OGFOD3: variants seen among roughly 807,000 people sequenced by gnomAD.
OGFOD3 encodes the protein 2-oxoglutarate and iron-dependent oxygenase domain-containing protein 3.
A neutral mutation model predicts 39.8 loss-of-function variants in OGFOD3; 35 were observed. The observed-to-expected ratio is 0.88, with a 90% confidence interval of 0.67 to 1.17. The LOEUF (loss-of-function observed/expected upper bound fraction) is 1.17. Ranked by LOEUF, OGFOD3 falls within the 50% of genes most tolerant of loss-of-function variation. The pLI is 0.00. For missense variants in OGFOD3, 438 were observed against 454.5 expected, an observed-to-expected ratio of 0.96 and a Z score of 0.33; for synonymous variants, 200 against 192.0, an observed-to-expected ratio of 1.04 and a Z score of -0.34.
rs1339248607 is a variant in OGFOD3 at position 82,415,926 on chromosome 17, C to T, written c.75-299G>A. ...AAAAAAAAAAAAAAAGCCAGACATG[C>T]TCCTTATAAAAGCCACTTCAGGCCC... is the stretch of plus-strand genomic sequence containing the variant. On this transcript the variant is annotated intron_variant, in intron 1 of 8. Coordinates refer to ENST00000313056, the MANE Select transcript of OGFOD3 (RefSeq NM_024648.3). This position sits in a 1 kb window ranked among gnomAD's most constrained non-coding sequence, Gnocchi z 5.3. Among the ~76,000 whole-genome samples the T allele has an allele frequency of 3.3e-5, 5 of 151,754 alleles. No homozygotes were observed. The highest frequency in any genetic ancestry group is 5.9e-5 in the Non-Finnish European group (4 of 67,968).
Position 82,406,631 on chromosome 17 carries a change from A to G in OGFOD3, c.424-149T>C. On this transcript the variant is annotated intron_variant, in intron 4 of 8. Transcript: ENST00000313056. The surrounding 1 kb of genome is among the most constrained non-coding windows in gnomAD (Gnocchi z 5.2). The stretch of plus-strand genomic sequence containing the variant: ...TTTGTTTTTGTTTTTTGTAAAAAGG[A>G]TCTTATTCTGTTGCCCAGGCTAGGG... 1.4e-6 allele frequency: 1 copy of G among 703,322 alleles called. No homozygotes were observed. Among genetic ancestry groups the G allele is most frequent in the Non-Finnish European group, 2.5e-6 (1 of 398,432 alleles). The allele number at this position is 703,322 out of a possible 1,614,324, so 43.6% of individuals were successfully genotyped here.
In OGFOD3 at chr17:82,402,710, G is replaced by A. The variant is rs2052786718; in HGVS notation, c.699+1227C>T. ...TGCAGTGAGCTGAAATCGCACCATT[G>A]CACTCCAGCCTGGGCATCAAGAGTG... is the stretch of plus-strand genomic sequence containing the variant. On this transcript the variant is annotated intron_variant, in intron 7 of 8. Transcript: ENST00000313056. 4.6e-5 allele frequency among the ~76,000 whole-genome samples: 7 copies of A among 151,778 alleles called. No homozygotes were observed. The South Asian group carries it at 1.5e-3, about 32-fold the overall frequency.
chr17:82,400,276 C>T (rs1465546592), intron 7 of OGFOD3, among the ~76,000 whole-genome samples: 1 of 152,018 alleles, frequency 6.6e-6, no homozygotes, highest in East Asian at 1.9e-4. Flanking sequence ...CCCTCCAGGC[C>T]TCACAGATGC....
At position 82,418,477 on chromosome 17, in the gene OGFOD3, A is replaced by AGGAGCCATCGGACCAGGCCGCCGC; in HGVS notation, c.-16_8dup (p.Pro3_Gln4insArgArgProGlyProMetAlaPro). Reference sequence around the variant, plus strand: ...GCGCCTTGGTTGCGGCCCTCCGCTGAGGAGCCATCGGACCAGGCCGCCGCG... The same window carrying AGGAGCCATCGGACCAGGCCGCCGC: ...GCGCCTTGGTTGCGGCCCTCCGCTGAGGAGCCATCGGACCAGGCCGCCGCGGAGCCATCGGACCAGGCCGCCGCG... On this transcript the variant is annotated inframe_insertion, in exon 1 of 9. Coordinates refer to ENST00000313056, the MANE Select transcript of OGFOD3 (RefSeq NM_024648.3). 6.8e-7 allele frequency: 1 copy of AGGAGCCATCGGACCAGGCCGCCGC among 1,463,678 alleles called. No individual in the cohort carries two copies. Among genetic ancestry groups the AGGAGCCATCGGACCAGGCCGCCGC allele is most frequent in the Non-Finnish European group, 9.0e-7 (1 of 1,112,598 alleles). 90.7% of individuals were successfully genotyped at this position (1,463,678 alleles called of 1,614,324 possible).
intron 7 of OGFOD3, among the ~76,000 whole-genome samples, chr17:82,399,594 G>A (rs1379817628): frequency 1.3e-5 from 2 of 152,126 alleles, no homozygotes; most frequent in Admixed American, 6.6e-5. Flanking sequence ...CTCCCAGGCC[G>A]AAGCTCCGTC....
In OGFOD3 at chr17:82,409,907, AAGAG is replaced by A. The variant is rs71908507; in HGVS notation, c.381-501_381-498del. Among the ~76,000 whole-genome samples, 407 of 150,318 alleles carry A rather than the reference AAGAG, an allele frequency of 2.7e-3. 3 individuals are homozygous for A. The highest frequency in any genetic ancestry group is 9.1e-3 in the African/African-American group (375 of 41,120). ...AAGACTCTGTCAAGAAAGAAAGAAA[AAGAG>A]AGAGAGAGAGAGAGAGAGAAAGGGA... On this transcript the variant is annotated intron_variant, in intron 3 of 8. Coordinates refer to ENST00000313056, the MANE Select transcript of OGFOD3 (RefSeq NM_024648.3).
chr17:82,403,490 G>A (rs1318856116), intron 7 of OGFOD3, among the ~76,000 whole-genome samples: 1 of 152,106 alleles, frequency 6.6e-6, no homozygotes, highest in Non-Finnish European at 1.5e-5. Flanking sequence ...AAATTAGCGA[G>A]GCCTGGTGGG....
In OGFOD3 at chr17:82,417,062, T is replaced by A. The variant is rs775723525; in HGVS notation, c.74+1350A>T. Among the ~76,000 whole-genome samples, 25 of 152,344 alleles carry A rather than the reference T, an allele frequency of 1.6e-4. No individual in the cohort carries two copies. The Middle Eastern group carries it at 0.017, about 104-fold the overall frequency. Reference sequence around the variant, plus strand: ...AGAAAATGTACAAGTTTACTGGAAATTTTTAAAATGTATTAATTAAATAAC... The same window carrying A: ...AGAAAATGTACAAGTTTACTGGAAAATTTTAAAATGTATTAATTAAATAAC... On this transcript the variant is annotated intron_variant, in intron 1 of 8. Transcript: ENST00000313056.
chr17:82,407,115 C>A (rs2052867983), intron 4 of OGFOD3, among the ~76,000 whole-genome samples: 1 of 151,990 alleles, frequency 6.6e-6, no homozygotes, highest in South Asian at 2.1e-4. Context: ...AGCTGGGACA[C>A]CTACAGAGAT....
chr17:82,411,838 C>G (rs2052948220), intron 2 of OGFOD3: 4 of 396,372 alleles, frequency 1.0e-5, no homozygotes, highest in East Asian at 1.1e-4. Flanking sequence ...CCATCACTGA[C>G]TGCAGGTCCA....
Position 82,392,596 on chromosome 17 carries a change from G to C in OGFOD3, c.824-62C>G. 1 of 1,526,846 alleles carries C rather than the reference G, an allele frequency of 6.5e-7. No individual in the cohort carries two copies. Among genetic ancestry groups the C allele is most frequent in the East Asian group, 2.5e-5 (1 of 40,782 alleles). 94.6% of individuals were successfully genotyped at this position (1,526,846 alleles called of 1,614,324 possible). A position where few individuals can be genotyped will look rare whatever the true frequency, so the allele number is the denominator to read the frequency against. On this transcript the variant is annotated intron_variant, in intron 8 of 8. Transcript: ENST00000313056. This position sits in a 1 kb window ranked among gnomAD's most constrained non-coding sequence, Gnocchi z 4.2. ...CACACCCACGGCCACAGCCTTCAGA[G>C]GGTCTGCGGTCACCTGAAAGAGCAA... is the stretch of plus-strand genomic sequence containing the variant.
intron 8 of OGFOD3, chr17:82,394,589 G>A (rs529807187): frequency 1.3e-6 from 2 of 1,504,076 alleles, no homozygotes; most frequent in South Asian, 2.5e-5. Context: ...TTGACTCCAG[G>A]GGCCTGGGCG....
Position 82,411,514 on chromosome 17 carries a change from C to T in OGFOD3, c.321G>A (p.Lys107=). 1 of 1,614,126 alleles carries T rather than the reference C, an allele frequency of 6.2e-7. No individual in the cohort carries two copies. Among genetic ancestry groups the T allele is most frequent in the Non-Finnish European group, 8.5e-7 (1 of 1,180,012 alleles). ...CGACATCGGTGACACCTCTGCCGCACTTTCGGGGAGTGCAGCCTGTGAAGG... is the reference window on the plus strand; with the variant it reads ...CGACATCGGTGACACCTCTGCCGCATTTTCGGGGAGTGCAGCCTGTGAAGG... The part of the protein sequence containing the change: ...HRRFEGCTPR[K]CGRGVTDVVI... Residue 107 remains lysine, a synonymous_variant, in exon 3 of 9, where the codon AAG becomes AAA. Coordinates refer to ENST00000313056, the MANE Select transcript of OGFOD3 (RefSeq NM_024648.3).
At position 82,410,205 on chromosome 17, in the gene OGFOD3, C is replaced by T. The variant is rs539324729; in HGVS notation, c.381-795G>A. On this transcript the variant is annotated intron_variant, in intron 3 of 8. Transcript: ENST00000313056. ...GCTGCCTGTGGACACCAAGTGGGGA[C>T]ACGCCGGTGCCTCAGTCAGACAGCA... Among the ~76,000 whole-genome samples, 10 of 152,320 alleles carry T rather than the reference C, an allele frequency of 6.6e-5. No homozygotes were observed. The South Asian group carries it at 2.1e-3, about 32-fold the overall frequency.
intron 7 of OGFOD3, 178 bp downstream of exon 7, chr17:82,403,759 G>T: frequency 1.2e-6 from 1 of 814,214 alleles, no homozygotes; most frequent in Non-Finnish European, 2.0e-6. Flanking sequence ...CTGTCCACAT[G>T]CGCGCTCACC....
chr17:82,412,541 C>T (rs943325606), intron 2 of OGFOD3, among the ~76,000 whole-genome samples: 1 of 135,512 alleles, frequency 7.4e-6, no homozygotes, highest in East Asian at 2.2e-4. Flanking sequence ...GGTCATTGGG[C>T]AGAGGAAAGG....
chr17:82,401,803 C>CAAAAAAAAAAAAA lies in OGFOD3; in HGVS notation c.699+2121_699+2133dup, dbSNP rs79956747. On this transcript the variant is annotated intron_variant, in intron 7 of 8. Coordinates refer to ENST00000313056, the MANE Select transcript of OGFOD3 (RefSeq NM_024648.3). The stretch of plus-strand genomic sequence containing the variant: ...TGGGTGGCAGAGCAAGACTCCATCT[C>CAAAAAAAAAAAAA]AAAAAAAAAAAAAAAAAAAACAAAG... 1.5e-3 allele frequency among the ~76,000 whole-genome samples: 93 copies of CAAAAAAAAAAAAA among 61,652 alleles called. 2 individuals are homozygous for CAAAAAAAAAAAAA. Among genetic ancestry groups the CAAAAAAAAAAAAA allele is most frequent in the African/African-American group, 3.6e-3 (44 of 12,088 alleles). 40.4% of individuals were successfully genotyped at this position (61,652 alleles called of 152,430 possible).
At position 82,401,816 on chromosome 17, in the gene OGFOD3, A is replaced by C. The variant is rs1349741788; in HGVS notation, c.699+2121T>G. Among the ~76,000 whole-genome samples the C allele has an allele frequency of 3.3e-5, 5 of 149,816 alleles. 1 individual carries two copies. The highest frequency in any genetic ancestry group is 2.0e-4 in the Admixed American group (3 of 14,934). On this transcript the variant is annotated intron_variant, in intron 7 of 8. Transcript: ENST00000313056. Reference sequence around the variant, plus strand: ...AAGACTCCATCTCAAAAAAAAAAAAAAAAAAAACAAAGACTGCCCTTGAAG... The same window carrying C: ...AAGACTCCATCTCAAAAAAAAAAAACAAAAAAACAAAGACTGCCCTTGAAG...
intron 4 of OGFOD3, among the ~76,000 whole-genome samples, chr17:82,408,931 T>C (rs2052898715): frequency 6.6e-6 from 1 of 152,186 alleles, no homozygotes; most frequent in Admixed American, 6.5e-5. Context: ...CATGGAGGCG[T>C]CCAGCTAGGA....
Sources: gnomAD v4.1 joint callset for allele counts (sites outside exome capture counted in the v4.1 genomes callset) on GRCh38, gnomAD v4.1.1 for gene constraint, Gnocchi (gnomAD v3.1) non-coding constraint, MANE v1.5 for transcripts, NCBI Gene and HGNC (gene_info 2026-07-23, HGNC 2026-07-21) for gene names.